Variants in PRSS55 observed in about 807,000 individuals in gnomAD.
The protein encoded by PRSS55 is probable serine protease UNQ9391/PRO34284.
PRSS55 carries 41 observed loss-of-function variants against 23.6 expected under a neutral mutation model. The ratio of observed to expected loss-of-function variants is 1.74; its 90% CI spans 1.35 to 2.26. The LOEUF (loss-of-function observed/expected upper bound fraction) is 2.26, where lower values mean the gene tolerates loss of function less well. PRSS55 is among the 30% of genes most tolerant of loss of function. The pLI is 0.00. For missense variants in PRSS55, 669 were observed against 439.1 expected (o/e 1.52, Z -4.68); for synonymous variants, 262 against 175.5 (o/e 1.49, Z -3.90).
At chr8:10,549,285 G>C (rs374705581) in intron 4 of PRSS55, among the ~76,000 whole-genome samples, 1 of 152,206 alleles carries the variant, frequency 6.6e-6, no homozygotes, top group Non-Finnish European at 1.5e-5. Flanking sequence ...GCTTGAGCAA[G>C]AGTGATGTAA....
At chr8:10,541,865 C>A (rs538208024), downstream of PRSS55, among the ~76,000 whole-genome samples, 1 of 152,190 alleles carries the variant, frequency 6.6e-6, no homozygotes. Flanking sequence ...ATCCTCCCAA[C>A]TCAGCCTCTC....
downstream of PRSS55, among the ~76,000 whole-genome samples, chr8:10,539,558 G>C (rs1812584185): frequency 6.6e-6 from 1 of 152,178 alleles, no homozygotes; most frequent in South Asian, 2.1e-4. Flanking sequence ...TTGAATTATA[G>C]CTCCCATAAT....
At chr8:10,553,426 G>C (rs1437034980) in intron 4 of PRSS55, among the ~76,000 whole-genome samples, 2 of 152,152 alleles carry the variant, frequency 1.3e-5, no homozygotes, top group Non-Finnish European at 2.9e-5. Context: ...ATGATAAAGA[G>C]AATGTGATAT....
chr8:10,554,045 T>A (rs1359054103), exon 5 of PRSS55: 1 of 1,511,642 alleles, frequency 6.6e-7, no homozygotes, highest in East Asian at 2.5e-5. Flanking sequence ...CTTTGCTCTT[T>A]CTTCTACATG....
intron 3 of PRSS55, among the ~76,000 whole-genome samples, chr8:10,532,138 A>T (rs1189749271): frequency 6.6e-6 from 1 of 152,160 alleles, no homozygotes; most frequent in African/African-American, 2.4e-5. Flanking sequence ...CGTCAGCCTG[A>T]AGGAGGCTCT....
At chr8:10,539,118 T>A (rs1408025466), downstream of PRSS55, among the ~76,000 whole-genome samples, 3 of 151,018 alleles carry the variant, frequency 2.0e-5, no homozygotes, top group Non-Finnish European at 4.4e-5. Flanking sequence ...CGTGGCTGAG[T>A]CCAGGGGCTG....
chr8:10,525,834 C>T (rs1010947345), intron 1 of PRSS55, 95 bp downstream of exon 1: 5 of 1,324,868 alleles, frequency 3.8e-6, no homozygotes, highest in Non-Finnish European at 5.1e-6. Flanking sequence ...GCCAGAGCTC[C>T]AGGGCTCCCC....
intron 4 of PRSS55, among the ~76,000 whole-genome samples, chr8:10,552,782 G>T (rs550147690): frequency 2.0e-5 from 3 of 152,182 alleles, no homozygotes; most frequent in Non-Finnish European, 2.9e-5. Flanking sequence ...GTGTTGGTGA[G>T]GGTGTGGAGA....
chr8:10,536,021 C>T (rs375381148), intron 4 of PRSS55, among the ~76,000 whole-genome samples: 1 of 152,292 alleles, frequency 6.6e-6, no homozygotes, highest in East Asian at 1.9e-4. Context: ...CCCGTCTCTA[C>T]TGAAAATACA....
In PRSS55 at chr8:10,538,592, C is replaced by G; in HGVS notation, c.858C>G (p.Thr286=). Residue 286 remains threonine, a synonymous_variant, in exon 5 of 5, where the codon ACC becomes ACG. Transcript: ENST00000328655. Reference sequence around the variant, plus strand: ...AGAAGAACACCCCAGGGATATACACCTCGTTGGTGAACTACAACCTCTGGA... The same window carrying G: ...AGAAGAACACCCCAGGGATATACACGTCGTTGGTGAACTACAACCTCTGGA... ...CGEKNTPGIY[T]SLVNYNLWIE... 2.5e-6 allele frequency: 4 copies of G among 1,614,122 alleles called. No individual in the cohort carries two copies. In the South Asian group the frequency reaches 4.4e-5, roughly 18 times the overall value.
downstream of PRSS55, among the ~76,000 whole-genome samples, chr8:10,543,324 A>T (rs188138694): frequency 2.2e-4 from 33 of 152,288 alleles, no homozygotes; most frequent in African/African-American, 7.5e-4. Flanking sequence ...GTGAAGTCAA[A>T]GCATGAAGAC....
chr8:10,528,590 A>T (rs1413442287), intron 1 of PRSS55, among the ~76,000 whole-genome samples: 6 of 152,144 alleles, frequency 3.9e-5, no homozygotes. Context: ...CCCCTAAGTA[A>T]AGGAGCTGCT....
intron 2 of PRSS55, 143 bp downstream of exon 2, chr8:10,529,842 A>C (rs1585868131): frequency 5.0e-6 from 4 of 794,712 alleles, no homozygotes. Context: ...CCATCCACCC[A>C]CCCCCCAGCC....
intron 4 of PRSS55, among the ~76,000 whole-genome samples, chr8:10,545,367 T>G (rs950980942): frequency 2.0e-5 from 3 of 152,094 alleles, no homozygotes; most frequent in Non-Finnish European, 4.4e-5. Context: ...CTGGCTAATT[T>G]TATTTTATGG....
chr8:10,543,469 TTTC>T (rs1284990757), downstream of PRSS55, among the ~76,000 whole-genome samples: 425 of 64,450 alleles, frequency 6.6e-3, 3 homozygotes, highest in Non-Finnish European at 0.013. Flanking sequence ...CCTTCCTTTC[TTTC>T]TTTCTCTCTT....
intron 4 of PRSS55, among the ~76,000 whole-genome samples, chr8:10,546,965 AG>A (rs1227321576): frequency 6.6e-6 from 1 of 152,130 alleles, no homozygotes. Flanking sequence ...TACAGGTGTG[AG>A]CCACGGTGTC....
chr8:10,545,578 G>A (rs4404876), intron 4 of PRSS55, among the ~76,000 whole-genome samples: 86,605 of 152,026 alleles, frequency 0.57, 25,640 homozygotes, highest in South Asian at 0.74. Context: ...ATTTCCCTAC[G>A]AGACCCAGAC....
rs1302583669 is a variant in PRSS55, at chr8:10,554,065, T to C, written c.*33T>C. 5 of 1,436,074 alleles carry C rather than the reference T, an allele frequency of 3.5e-6. No homozygotes were observed. In the African/African-American group the frequency reaches 5.7e-5, roughly 16 times the overall value. The allele number at this position is 1,436,074 out of a possible 1,614,324, so 89.0% of individuals were successfully genotyped here. On this transcript the variant is annotated 3_prime_UTR_variant, in exon 5 of 5. Transcript: ENST00000522210. ...CTCTTTCTTCTACATGGAGCCATTT[T>C]TGGGGCAGAAAACATACCCTTGGGC...
chr8:10,544,215 G>C lies in PRSS55; in HGVS notation c.742-9728G>C, dbSNP rs192346194. Among the ~76,000 whole-genome samples the C allele has an allele frequency of 2.0e-5, 3 of 152,124 alleles. 1 individual carries two copies. Among genetic ancestry groups the C allele is most frequent in the East Asian group, 1.9e-4 (1 of 5,186 alleles). On this transcript the variant is annotated intron_variant, in intron 4 of 4. Coordinates refer to the PRSS55 transcript ENST00000522210. ...TTGAATGTTCTATTGTTAGATGCAC[G>C]TATGTTTACAGTTGTTATAGCTTTC...
Sources: gnomAD v4.1 joint callset for allele counts (sites outside exome capture counted in the v4.1 genomes callset) on GRCh38, gnomAD v4.1.1 for gene constraint, MANE v1.5 for transcripts, NCBI Gene and HGNC (gene_info 2026-07-23, HGNC 2026-07-21) for gene names.